ADAMTS3: variants seen among roughly 807,000 people sequenced by gnomAD.
ADAMTS3 encodes the protein A disintegrin and metalloproteinase with thrombospondin motifs 3.
ADAMTS3 carries 73 observed loss-of-function variants against 129.0 expected under a neutral mutation model. The observed-to-expected ratio is 0.57, with a 90% CI of 0.47 to 0.69. ADAMTS3 has a LOEUF of 0.69. Ranked by LOEUF, ADAMTS3 falls within the 30% of genes least tolerant of loss-of-function variation. The probability of loss-of-function intolerance (pLI) is 0.00; values close to 1 mark genes in which losing one functional copy is unlikely to be tolerated. For synonymous variants in ADAMTS3, 477 were observed against 510.8 expected (o/e 0.93, Z 0.89); for missense variants, 1,457 against 1,514.5 (o/e 0.96, Z 0.63).
At chr4:72,332,114 G>A (rs1417495278) in intron 5 of ADAMTS3, among the ~76,000 whole-genome samples, 2 of 152,080 alleles carry the variant, frequency 1.3e-5, no homozygotes, top group African/African-American at 2.4e-5. Context: ...TGTAAGAAAC[G>A]GATTATAGAT....
At chr4:72,309,642 C>A in intron 14 of ADAMTS3, 122 bp from the exon 15 acceptor site, 1 of 1,020,450 alleles carries the variant, frequency 9.8e-7, no homozygotes, top group Non-Finnish European at 1.4e-6. Flanking sequence ...TAGCAAACTG[C>A]CACTGTAGTC....
chr4:72,320,992 G>A, intron 6 of ADAMTS3, 122 bp from the exon 7 acceptor site: 2 of 1,001,754 alleles, frequency 2.0e-6, no homozygotes, highest in South Asian at 2.0e-5. Flanking sequence ...AATATTTGGG[G>A]CTTATTCTGA....
chr4:72,291,583 TC>T (rs927865096), intron 19 of ADAMTS3, among the ~76,000 whole-genome samples: 4 of 151,854 alleles, frequency 2.6e-5, no homozygotes, highest in Non-Finnish European at 1.5e-5. Flanking sequence ...CATGAACTCA[TC>T]CTTTTTTATG....
At position 72,499,609 on chromosome 4, in the gene ADAMTS3, A is replaced by T. The variant is rs533521397; in HGVS notation, c.504+48869T>A. ...TTCGGGGGCTCAGGCATTTCTTTAAATTTTTCCATTTTTGATAATTTCAAC... is the reference window on the plus strand; with the variant it reads ...TTCGGGGGCTCAGGCATTTCTTTAATTTTTTCCATTTTTGATAATTTCAAC... On this transcript the variant is annotated intron_variant, in intron 3 of 21. Coordinates refer to ENST00000286657, the MANE Select transcript of ADAMTS3 (RefSeq NM_014243.3). Among the ~76,000 whole-genome samples, 158 of 152,080 alleles carry T rather than the reference A, an allele frequency of 1.0e-3. 1 individual carries two copies. Among genetic ancestry groups the T allele is most frequent in the Admixed American group, 8.0e-3 (122 of 15,244 alleles).
chr4:72,317,318 A>G (rs868632696), intron 10 of ADAMTS3, among the ~76,000 whole-genome samples: 4 of 152,340 alleles, frequency 2.6e-5, no homozygotes, highest in Non-Finnish European at 5.9e-5. Flanking sequence ...AATGCAAGTA[A>G]TTAGGAGCTC....
intron 3 of ADAMTS3, among the ~76,000 whole-genome samples, chr4:72,520,148 C>T (rs190736066): frequency 1.6e-4 from 24 of 152,198 alleles, no homozygotes; most frequent in African/African-American, 5.5e-4. Flanking sequence ...GGCTGCAGAA[C>T]AGCAGATTTT....
In ADAMTS3 at chr4:72,403,912, T is replaced by C. The variant is rs966020749; in HGVS notation, c.661+10903A>G. Reference sequence around the variant, plus strand: ...CTTTGTGTGTAGATAACCTACTTAATAATCAGCCCTCAGAAATGGCTGGGA... The same window carrying C: ...CTTTGTGTGTAGATAACCTACTTAACAATCAGCCCTCAGAAATGGCTGGGA... On this transcript the variant is annotated intron_variant, in intron 4 of 21. Coordinates refer to ENST00000286657, the MANE Select transcript of ADAMTS3 (RefSeq NM_014243.3). 2.0e-5 allele frequency among the ~76,000 whole-genome samples: 3 copies of C among 151,804 alleles called. No homozygotes were observed. In the South Asian group the frequency reaches 6.2e-4, roughly 32 times the overall value.
intron 4 of ADAMTS3, among the ~76,000 whole-genome samples, chr4:72,360,653 C>G (rs1720699008): frequency 6.6e-6 from 1 of 151,896 alleles, no homozygotes. Context: ...CGAAAAGGTA[C>G]TGCAACATAT....
chr4:72,397,370 G>A (rs1721752799), intron 4 of ADAMTS3, among the ~76,000 whole-genome samples: 1 of 152,020 alleles, frequency 6.6e-6, no homozygotes, highest in South Asian at 2.1e-4. Context: ...TTCGAGACCA[G>A]CCTGGCCAAC....
chr4:72,315,317 G>A (rs530150034), intron 11 of ADAMTS3, among the ~76,000 whole-genome samples: 10 of 152,314 alleles, frequency 6.6e-5, no homozygotes, highest in Middle Eastern at 3.4e-3. Flanking sequence ...CTTTGCAAAT[G>A]TGATTAACTT....
chr4:72,458,613 T>C (rs1254890473), intron 3 of ADAMTS3, among the ~76,000 whole-genome samples: 4 of 151,392 alleles, frequency 2.6e-5, no homozygotes, highest in Non-Finnish European at 5.9e-5. Context: ...GATAATTCAA[T>C]GAATAACTGA....
chr4:72,415,755 G>A (rs1283250552), intron 3 of ADAMTS3, among the ~76,000 whole-genome samples: 1 of 151,904 alleles, frequency 6.6e-6, no homozygotes, highest in Non-Finnish European at 1.5e-5. Context: ...TACTATAGCT[G>A]AAGAAAAATG....
At chr4:72,445,865 G>A (rs1356021971) in intron 3 of ADAMTS3, among the ~76,000 whole-genome samples, 2 of 151,704 alleles carry the variant, frequency 1.3e-5, no homozygotes, top group East Asian at 3.9e-4. Flanking sequence ...ATAATTCGAA[G>A]AGAAGATTCT....
At chr4:72,557,055 T>A (rs1164814433) in intron 2 of ADAMTS3, among the ~76,000 whole-genome samples, 4 of 151,866 alleles carry the variant, frequency 2.6e-5, no homozygotes, top group Non-Finnish European at 4.4e-5. Flanking sequence ...CTCCCAAGAA[T>A]TGGCTGGTTA....
At chr4:72,417,409 T>A (rs1722332139) in intron 3 of ADAMTS3, among the ~76,000 whole-genome samples, 1 of 152,114 alleles carries the variant, frequency 6.6e-6, no homozygotes, top group African/African-American at 2.4e-5. Flanking sequence ...TGGCAAACAT[T>A]CAAATTTCAG....
rs1421971041 is a variant in ADAMTS3, at chr4:72,309,538, C to T, written c.2056-18G>A. On this transcript the variant is annotated intron_variant, in intron 14 of 21. Transcript: ENST00000286657. ...CCCACTTTCTGGAGAGAGAAGATGTCAAATGTGGCTAATTTTAGTGTGCCC... is the reference window on the plus strand; with the variant it reads ...CCCACTTTCTGGAGAGAGAAGATGTTAAATGTGGCTAATTTTAGTGTGCCC... 3.7e-6 allele frequency: 6 copies of T among 1,610,020 alleles called. No homozygotes were observed. Among genetic ancestry groups the T allele is most frequent in the Non-Finnish European group, 4.2e-6 (5 of 1,177,256 alleles).
intron 5 of ADAMTS3, among the ~76,000 whole-genome samples, chr4:72,335,971 T>C (rs1423006594): frequency 6.6e-6 from 1 of 152,276 alleles, no homozygotes; most frequent in East Asian, 1.9e-4. Flanking sequence ...AAGCATGACA[T>C]AAGAAATATA....
At chr4:72,481,563 T>C (rs1232791333) in intron 3 of ADAMTS3, among the ~76,000 whole-genome samples, 4 of 152,046 alleles carry the variant, frequency 2.6e-5, no homozygotes, top group Non-Finnish European at 5.9e-5. Context: ...TGACCACAGA[T>C]TTAAATGTAA....
At chr4:72,487,775 G>C (rs1044411854) in intron 3 of ADAMTS3, among the ~76,000 whole-genome samples, 3 of 151,978 alleles carry the variant, frequency 2.0e-5, no homozygotes, top group Admixed American at 2.0e-4. Context: ...AATTAATAAA[G>C]AGATGGCAAC....
Sources: gnomAD v4.1 joint callset for allele counts (sites outside exome capture counted in the v4.1 genomes callset) on GRCh38, gnomAD v4.1.1 for gene constraint, MANE v1.5 for transcripts, NCBI Gene and HGNC (gene_info 2026-07-23, HGNC 2026-07-21) for gene names.